Variants in STK38 observed in about 807,000 individuals in gnomAD.
The protein encoded by STK38 is serine/threonine-protein kinase 38.
STK38 carries 26 observed loss-of-function variants against 59.0 expected under a neutral mutation model. The observed-to-expected ratio is 0.44, with a 90% CI of 0.32 to 0.61. The LOEUF is 0.61. Among genes scored for constraint, STK38 ranks in the 20% least tolerant of loss-of-function variants. The pLI, the probability that STK38 is intolerant of heterozygous loss-of-function variation, is 0.04. For synonymous variants in STK38, 175 were observed against 176.6 expected, an observed-to-expected ratio of 0.99 and a Z score of 0.07; for missense variants, 433 against 566.0, an observed-to-expected ratio of 0.76 and a Z score of 2.38.
At position 36,495,918 on chromosome 6, in the gene STK38, G is replaced by C; in HGVS notation, c.1268-4C>G. ...TCAGGATGATTACTTGTGGCCACTG[G>C]GAAAGAAATAGATGTGAGAGTTGAT... On this transcript the variant is annotated splice_polypyrimidine_tract_variant and splice_region_variant and intron_variant, in intron 13 of 13. Transcript: ENST00000229812. 6.2e-7 allele frequency: 1 copy of C among 1,613,732 alleles called. No individual in the cohort carries two copies.
Position 36,527,207 on chromosome 6 carries a change from A to AAAATATATATATAT in STK38, c.132-1566_132-1565insATATATATATATTT, listed in dbSNP as rs60162863. ...ACTCCGTCTCAAAAAAAAAAAAAAA[A>AAAATATATATATAT]ATATATGTATATATATATATATTTA... is the stretch of plus-strand genomic sequence containing the variant. On this transcript the variant is annotated intron_variant, in intron 2 of 13. Transcript: ENST00000229812. Among the ~76,000 whole-genome samples, 50 of 119,344 alleles carry AAAATATATATATAT rather than the reference A, an allele frequency of 4.2e-4. 1 individual carries two copies. The highest frequency in any genetic ancestry group is 4.1e-3 in the Admixed American group (40 of 9,714). 78.3% of individuals were successfully genotyped at this position (119,344 alleles called of 152,430 possible). A position where few individuals can be genotyped will look rare whatever the true frequency, so the allele number is the denominator to read the frequency against.
At position 36,514,220 on chromosome 6, in the gene STK38, G is replaced by A. The variant is rs1777191280; in HGVS notation, c.669+1118C>T. Among the ~76,000 whole-genome samples, 2 of 150,484 alleles carry A rather than the reference G, an allele frequency of 1.3e-5. 1 individual carries two copies. The highest frequency in any genetic ancestry group is 4.2e-4 in the South Asian group (2 of 4,754). ...AGTCCCAACTACTCAGGAGGCTGAGGCAAGAGGATCCCTTGAACCCAAGAA... is the reference window on the plus strand; with the variant it reads ...AGTCCCAACTACTCAGGAGGCTGAGACAAGAGGATCCCTTGAACCCAAGAA... On this transcript the variant is annotated intron_variant, in intron 7 of 13. Coordinates refer to ENST00000229812, the MANE Select transcript of STK38 (RefSeq NM_007271.4).
intron 7 of STK38, among the ~76,000 whole-genome samples, chr6:36,508,714 C>A (rs1290811788): frequency 6.6e-6 from 1 of 152,236 alleles, no homozygotes; most frequent in East Asian, 1.9e-4. Flanking sequence ...CCCAAGCCTG[C>A]CAAGGGCAAG....
rs565631360 is a variant in STK38 at position 36,499,824 on chromosome 6, A to G, written c.952+49T>C. 64 of 1,419,000 alleles carry G rather than the reference A, an allele frequency of 4.5e-5. 3 individuals are homozygous for G. In the South Asian group the frequency reaches 7.1e-4, roughly 16 times the overall value. The allele number at this position is 1,419,000 out of a possible 1,614,324, so 87.9% of individuals were successfully genotyped here. On this transcript the variant is annotated intron_variant, in intron 10 of 13. Transcript: ENST00000229812. ...AAACAGAGGCTGGTATCAATGTAAA[A>G]GTCTGTCATGGATGCACAGAAAAAG... is the stretch of plus-strand genomic sequence containing the variant.
chr6:36,508,988 T>C (rs1407993137), intron 7 of STK38, among the ~76,000 whole-genome samples: 1 of 151,884 alleles, frequency 6.6e-6, no homozygotes, highest in Non-Finnish European at 1.5e-5. Context: ...CTAAAGGGGG[T>C]GTCACAGCAC....
intron 9 of STK38, among the ~76,000 whole-genome samples, chr6:36,505,677 T>C (rs1776947159): frequency 6.6e-6 from 1 of 152,192 alleles, no homozygotes; most frequent in Non-Finnish European, 1.5e-5. Flanking sequence ...AGTGCTACCA[T>C]TTCCAGACAA....
intron 4 of STK38, among the ~76,000 whole-genome samples, chr6:36,523,467 T>TA (rs1455320876): frequency 1.3e-5 from 2 of 151,646 alleles, no homozygotes. Flanking sequence ...TTCACCATGT[T>TA]GTCAGGCTGG....
chr6:36,535,649 G>A (rs1777770952), intron 2 of STK38, among the ~76,000 whole-genome samples: 1 of 151,922 alleles, frequency 6.6e-6, no homozygotes, highest in Admixed American at 6.6e-5. Context: ...AGGCCAAGGC[G>A]GGTGGATCAT....
At chr6:36,531,457 A>AT (rs1411137668) in intron 2 of STK38, among the ~76,000 whole-genome samples, 4 of 152,072 alleles carry the variant, frequency 2.6e-5, no homozygotes, top group Non-Finnish European at 5.9e-5. Context: ...TATCTAAAAC[A>AT]TTGTTTTTTA....
At chr6:36,526,738 T>G (rs957623510) in intron 2 of STK38, among the ~76,000 whole-genome samples, 2 of 151,596 alleles carry the variant, frequency 1.3e-5, no homozygotes, top group African/African-American at 4.9e-5. Flanking sequence ...GTACTAAAAA[T>G]GCAAAAATTA....
At chr6:36,507,636 G>T in intron 7 of STK38, 34 bp from the exon 8 acceptor site, 1 of 1,520,648 alleles carries the variant, frequency 6.6e-7, no homozygotes, top group Non-Finnish European at 9.1e-7. Flanking sequence ...AGATGGATGA[G>T]TATTCTTGGA....
At chr6:36,504,898 CA>C (rs562032331) in intron 9 of STK38, among the ~76,000 whole-genome samples, 3,505 of 63,884 alleles carry the variant, frequency 0.055, 52 homozygotes, top group African/African-American at 0.11. Flanking sequence ...TCCTGGCCTC[CA>C]AAAAAAAAAA....
Position 36,495,787 on chromosome 6 carries a change from T to C in STK38, c.1395A>G (p.Lys465=). 6.2e-7 allele frequency: 1 copy of C among 1,613,882 alleles called. No homozygotes were observed. Among genetic ancestry groups the C allele is most frequent in the Non-Finnish European group, 8.5e-7 (1 of 1,179,842 alleles). ...GAIPSYMKAA[K] ...ATAGGATTCCGTGGCAAGAGTACTATTTTGCTGCTTTCATGTAGGAAGGTA... is the reference window on the plus strand; with the variant it reads ...ATAGGATTCCGTGGCAAGAGTACTACTTTGCTGCTTTCATGTAGGAAGGTA... The change falls in exon 14 of 14, where the codon AAA becomes AAG. Residue 465 remains lysine, a synonymous_variant. Transcript: ENST00000229812.
intron 2 of STK38, among the ~76,000 whole-genome samples, chr6:36,527,308 GTATATATACACACA>G (rs59317333): frequency 0.23 from 32,708 of 140,776 alleles, 3,927 homozygotes; most frequent in East Asian, 0.37. Flanking sequence ...ATGTATATAC[GTATATATACACACA>G]TATATATACA....
chr6:36,527,207 A>AAAAAAAAT lies in STK38; in HGVS notation c.132-1566_132-1565insATTTTTTT, dbSNP rs60162863. On this transcript the variant is annotated intron_variant, in intron 2 of 13. Coordinates refer to ENST00000229812, the MANE Select transcript of STK38 (RefSeq NM_007271.4). The stretch of plus-strand genomic sequence containing the variant: ...ACTCCGTCTCAAAAAAAAAAAAAAA[A>AAAAAAAAT]ATATATGTATATATATATATATTTA... Among the ~76,000 whole-genome samples the AAAAAAAAT allele has an allele frequency of 2.3e-3, 269 of 119,298 alleles. 1 individual carries two copies. Among genetic ancestry groups the AAAAAAAAT allele is most frequent in the Non-Finnish European group, 2.8e-3 (174 of 61,874 alleles). 78.3% of individuals were successfully genotyped at this position (119,298 alleles called of 152,430 possible). A position where few individuals can be genotyped will look rare whatever the true frequency, so the allele number is the denominator to read the frequency against.
At chr6:36,502,142 T>TC (rs1776855881) in intron 9 of STK38, among the ~76,000 whole-genome samples, 1 of 152,058 alleles carries the variant, frequency 6.6e-6, no homozygotes, top group Non-Finnish European at 1.5e-5. Flanking sequence ...AAATGGGATC[T>TC]CTTTTTTTTT....
At chr6:36,496,633 G>A (rs1386833529) in intron 13 of STK38, 78 bp downstream of exon 13, 3 of 1,061,486 alleles carry the variant, frequency 2.8e-6, no homozygotes, top group Non-Finnish European at 4.4e-6. Flanking sequence ...TCACTACCCT[G>A]ATTTGTAAAC....
chr6:36,498,230 C>G lies in STK38; in HGVS notation c.1076+133G>C, dbSNP rs369799179. 8.6e-4 allele frequency: 1,108 copies of G among 1,280,982 alleles called. 20 individuals carry two copies. In the South Asian group the frequency reaches 0.015, roughly 18 times the overall value. 79.4% of individuals were successfully genotyped at this position (1,280,982 alleles called of 1,614,324 possible). A position where few individuals can be genotyped will look rare whatever the true frequency, so the allele number is the denominator to read the frequency against. On this transcript the variant is annotated intron_variant, in intron 11 of 13. Coordinates refer to ENST00000229812, the MANE Select transcript of STK38 (RefSeq NM_007271.4). The stretch of plus-strand genomic sequence containing the variant: ...TATAGGCGTAAGCCACCATGCACAG[C>G]CTTTTTATTTGTTTAAAGAGAGGAA...
intron 13 of STK38, among the ~76,000 whole-genome samples, chr6:36,496,334 G>A (rs546924795): frequency 6.6e-6 from 1 of 152,018 alleles, no homozygotes; most frequent in African/African-American, 2.4e-5. Flanking sequence ...GAGCCACCGC[G>A]CCTGGCCTCA....
Sources: allele counts gnomAD v4.1 joint callset (sites outside exome capture counted in the v4.1 genomes callset), GRCh38; gene constraint gnomAD v4.1.1; transcripts MANE v1.5; gene names NCBI Gene and HGNC (gene_info 2026-07-23, HGNC 2026-07-21).